FZD4: variants seen among roughly 807,000 people sequenced by gnomAD.
FZD4 encodes frizzled class receptor 4, also known as frizzled-4.
A neutral mutation model predicts 37.3 loss-of-function variants in FZD4; 16 were observed. The ratio of observed to expected loss-of-function variants is 0.43; its 90% confidence interval spans 0.29 to 0.65. The LOEUF (loss-of-function observed/expected upper bound fraction) is 0.65. Ranked by LOEUF, FZD4 falls within the 30% of genes least tolerant of loss-of-function variation. The probability of loss-of-function intolerance (pLI) is 0.16; values close to 1 mark genes in which losing one functional copy is unlikely to be tolerated. For synonymous variants in FZD4, 246 were observed against 254.8 expected (o/e 0.97, Z 0.33); for missense variants, 599 against 674.3 (o/e 0.89, Z 1.24).
intron 1 of FZD4, chr11:86,954,200 TACCA>T: frequency 1.0e-6 from 1 of 982,310 alleles, no homozygotes; most frequent in Non-Finnish European, 1.2e-6. Flanking sequence ...TCTTCCAATA[TACCA>T]ACCACCTTCC....
chr11:86,954,550 C>A, intron 1 of FZD4: 1 of 985,218 alleles, frequency 1.0e-6, no homozygotes, highest in Non-Finnish European at 1.2e-6. Context: ...GGGGTCTGGG[C>A]CAGACATGGG....
chr11:86,953,711 G>A (rs1471111297), intron 1 of FZD4, among the ~76,000 whole-genome samples: 1 of 152,068 alleles, frequency 6.6e-6, no homozygotes, highest in African/African-American at 2.4e-5. Flanking sequence ...CTGCCTCCTG[G>A]GTTCAAGCGA....
chr11:86,952,815 T>C (rs1250738271), intron 1 of FZD4: 1 of 180,500 alleles, frequency 5.5e-6, no homozygotes, highest in African/African-American at 2.4e-5. Context: ...TTTTAGAAAC[T>C]ATTTGAAAAA....
Position 86,954,781 on chromosome 11 carries a change from G to A in FZD4, c.285+20C>T, listed in dbSNP as rs894623136. 6.3e-7 allele frequency: 1 copy of A among 1,588,074 alleles called. No individual in the cohort carries two copies. The highest frequency in any genetic ancestry group is 1.3e-5 in the African/African-American group (1 of 74,398). On this transcript the variant is annotated intron_variant, in intron 1 of 1. Transcript: ENST00000531380. ...CCCTCCCCAAGGGGTCCCGCCAGGG[G>A]TGGGGGTGGGGGCGCCCACCTGCAG...
At chr11:86,954,753 CGT>C (rs765757872) in intron 1 of FZD4, 46 bp downstream of exon 1, 10 of 1,549,314 alleles carry the variant, frequency 6.5e-6, no homozygotes, top group Non-Finnish European at 8.7e-6. Context: ...TAGTTTGGAG[CGT>C]CCCTCCCCAA....
Position 86,952,048 on chromosome 11 carries a change from G to A in FZD4, c.708C>T (p.Phe236=), listed in dbSNP as rs1196907109. 6.2e-7 allele frequency: 1 copy of A among 1,614,056 alleles called. No individual in the cohort carries two copies. Among genetic ancestry groups the A allele is most frequent in the South Asian group, 1.1e-5 (1 of 91,078 alleles). Residue 236 remains phenylalanine, a synonymous_variant, in exon 2 of 2, where the codon TTC becomes TTT. Transcript: ENST00000531380. ...WASLCFISTA[F]TVLTFLIDSS... is the part of the protein sequence containing the mutation. ...AATCGATCAGGAAGGTCAGTACTGT[G>A]AAGGCAGTGGAGATGAAACACAGGC...
At chr11:86,954,157 T>C (rs1949317083) in intron 1 of FZD4, 2 of 683,674 alleles carry the variant, frequency 2.9e-6, no homozygotes, top group Non-Finnish European at 3.6e-6. Context: ...TCATTAGATA[T>C]GCTTTACATT....
Position 86,951,188 on chromosome 11 carries a change from C to T in FZD4, c.1568G>A (p.Gly523Glu), listed in dbSNP as rs756889974. The T allele has an allele frequency of 1.2e-6, 2 of 1,614,002 alleles. No individual in the cohort carries two copies. Among genetic ancestry groups the T allele is most frequent in the South Asian group, 1.1e-5 (1 of 91,084 alleles). Reference sequence around the variant, plus strand: ...TTTTCCAGGCTTCACCCAACCATTTCCTCTCTTCTCTCTCTTTACCTTTCC... The same window carrying T: ...TTTTCCAGGCTTCACCCAACCATTTTCTCTCTTCTCTCTCTTTACCTTTCC... ...NSGKVKREKRGNGWVKPGKGS... is the reference protein window; with the variant it reads ...NSGKVKREKRENGWVKPGKGS... The change falls in exon 2 of 2, where the codon GGA becomes GAA. Residue 523 changes from glycine (G) to glutamate (E), a missense_variant. By Grantham distance (98) the Gly-to-Glu change is moderately conservative. Coordinates refer to ENST00000531380, the MANE Select transcript of FZD4 (RefSeq NM_012193.4).
intron 1 of FZD4, 173 bp downstream of exon 1, chr11:86,954,628 A>G: frequency 6.1e-6 from 6 of 985,360 alleles, no homozygotes; most frequent in Non-Finnish European, 7.2e-6. Flanking sequence ...GATGACTTAC[A>G]CAACGTTTTG....
rs1279514469 is a variant in FZD4, at chr11:86,955,138, C to T, written c.-53G>A. ...CGGCTGGGGCTGCTCTGGCAGACAC[C>T]CCCAGTTTGCACGGGGGCGCCGGCT... On this transcript the variant is annotated 5_prime_UTR_variant, in exon 1 of 2. Coordinates refer to ENST00000531380, the MANE Select transcript of FZD4 (RefSeq NM_012193.4). The T allele has an allele frequency of 5.2e-6, 7 of 1,352,774 alleles. 1 individual carries two copies. In the South Asian group the frequency reaches 8.3e-5, roughly 16 times the overall value. 83.8% of individuals were successfully genotyped at this position (1,352,774 alleles called of 1,614,324 possible). A position where few individuals can be genotyped will look rare whatever the true frequency, so the allele number is the denominator to read the frequency against.
Position 86,954,953 on chromosome 11 carries a change from A to G in FZD4, c.133T>C (p.Cys45Arg). The part of the protein sequence containing the change: ...RGFGDEEERR[C>R]DPIRISMCQN... ...CACATGGAGATGCGGATGGGGTCGC[A>G]GCGCCGCTCTTCCTCGTCCCCGAAG... The change falls in exon 1 of 2, where the codon TGC (cysteine) becomes CGC (arginine). Residue 45 changes from cysteine to arginine, a missense_variant. Cys to Arg is a radical substitution (Grantham distance 180). Transcript: ENST00000531380. The G allele has an allele frequency of 6.2e-7, 1 of 1,613,466 alleles. No homozygotes were observed. The highest frequency in any genetic ancestry group is 8.5e-7 in the Non-Finnish European group (1 of 1,179,840).
rs1415155014 is a variant in FZD4 at position 86,948,667 on chromosome 11, C to G, written c.*2475G>C. 2 of 152,210 alleles carry G rather than the reference C, an allele frequency of 1.3e-5. No individual in the cohort carries two copies. Among genetic ancestry groups the G allele is most frequent in the East Asian group, 3.9e-4 (2 of 5,192 alleles). The allele number at this position is 152,210 out of a possible 1,614,324, so 9.4% of individuals were successfully genotyped here. A position where few individuals can be genotyped will look rare whatever the true frequency, so the allele number is the denominator to read the frequency against. Reference sequence around the variant, plus strand: ...TTGTCAAAACACTAGCTCCAGAACTCAAAACTCAGAAATCAGGTGCCCAGA... The same window carrying G: ...TTGTCAAAACACTAGCTCCAGAACTGAAAACTCAGAAATCAGGTGCCCAGA... On this transcript the variant is annotated 3_prime_UTR_variant, in exon 2 of 2. Transcript: ENST00000531380.
chr11:86,946,837 T>G lies in FZD4; in HGVS notation c.*4305A>C, dbSNP rs1023005827. ...ATTTTCAGAGTCCAGTGACTCGACA[T>G]GATTGACTGGAATAGCAACTCTCTC... On this transcript the variant is annotated 3_prime_UTR_variant, in exon 2 of 2. Transcript: ENST00000531380. 6.6e-6 allele frequency: 1 copy of G among 152,218 alleles called. No individual in the cohort carries two copies. Among genetic ancestry groups the G allele is most frequent in the African/African-American group, 2.4e-5 (1 of 41,422 alleles). 9.4% of individuals were successfully genotyped at this position (152,218 alleles called of 1,614,324 possible).
Position 86,955,318 on chromosome 11 carries a change from G to T in FZD4, c.-233C>A. 1 of 406,870 alleles carries T rather than the reference G, an allele frequency of 2.5e-6. No individual in the cohort carries two copies. Among genetic ancestry groups the T allele is most frequent in the Non-Finnish European group, 4.3e-6 (1 of 232,646 alleles). 25.2% of individuals were successfully genotyped at this position (406,870 alleles called of 1,614,324 possible). The stretch of plus-strand genomic sequence containing the variant: ...TGCGAGGGTCATGGCTGCAGGCGGC[G>T]AGCCCACAAGCCGGCGCCGGCCGCG... On this transcript the variant is annotated 5_prime_UTR_variant, in exon 1 of 2. Coordinates refer to ENST00000531380, the MANE Select transcript of FZD4 (RefSeq NM_012193.4).
Position 86,951,034 on chromosome 11 carries a change from C to A in FZD4, c.*108G>T, listed in dbSNP as rs952963687. 3 of 1,204,162 alleles carry A rather than the reference C, an allele frequency of 2.5e-6. No homozygotes were observed. The highest frequency in any genetic ancestry group is 2.5e-6 in the Non-Finnish European group (2 of 810,752). The allele number at this position is 1,204,162 out of a possible 1,614,324, so 74.6% of individuals were successfully genotyped here. A position where few individuals can be genotyped will look rare whatever the true frequency, so the allele number is the denominator to read the frequency against. On this transcript the variant is annotated 3_prime_UTR_variant, in exon 2 of 2. Coordinates refer to ENST00000531380, the MANE Select transcript of FZD4 (RefSeq NM_012193.4). ...GTTGACGGGGGTCACTTAATTGTTG[C>A]TAGTTTGTTCAAACTGAGATTCACT...
chr11:86,954,918 G>A lies in FZD4; in HGVS notation c.168C>T (p.Leu56=), dbSNP rs533839311. 2.0e-5 allele frequency: 32 copies of A among 1,613,662 alleles called. No homozygotes were observed. The South Asian group carries it at 3.3e-4, about 17-fold the overall frequency. The change falls in exon 1 of 2, where the codon CTC becomes CTT. Residue 56 remains leucine (L), a synonymous_variant. Transcript: ENST00000531380. Reference sequence around the variant, plus strand: ...TGGGCATCTTGGTCACGTTGTAGCCGAGGTTCTGGCACATGGAGATGCGGA... The same window carrying A: ...TGGGCATCTTGGTCACGTTGTAGCCAAGGTTCTGGCACATGGAGATGCGGA... ...DPIRISMCQN[L]GYNVTKMPNL...
At position 86,951,183 on chromosome 11, in the gene FZD4, C is replaced by T. The variant is rs763843440; in HGVS notation, c.1573G>A (p.Gly525Ser). Residue 525 changes from glycine (G) to serine (S), a missense_variant, in exon 2 of 2, where the codon GGT (glycine) becomes AGT (serine). Coordinates refer to ENST00000531380, the MANE Select transcript of FZD4 (RefSeq NM_012193.4). The part of the protein sequence containing the change: ...GKVKREKRGN[G>S]WVKPGKGSET... The stretch of plus-strand genomic sequence containing the variant: ...CTGCCTTTTCCAGGCTTCACCCAAC[C>T]ATTTCCTCTCTTCTCTCTCTTTACC... The T allele has an allele frequency of 1.2e-6, 2 of 1,614,054 alleles. No individual in the cohort carries two copies. Among genetic ancestry groups the T allele is most frequent in the South Asian group, 2.2e-5 (2 of 91,078 alleles).
chr11:86,951,351 C>A lies in FZD4; in HGVS notation c.1405G>T (p.Ala469Ser). The change falls in exon 2 of 2, where the codon GCA becomes TCA. Residue 469 changes from alanine to serine, a missense_variant. By Grantham distance (99) the Ala-to-Ser change is moderately conservative (BLOSUM62 1). Transcript: ENST00000531380. ...ISNWALFRYSADDSNMAVEML... is the reference protein window; with the variant it reads ...ISNWALFRYSSDDSNMAVEML... ...TCAACAGCCATGTTGGAATCATCTG[C>A]AGAATACCGAAAAAGTGCCCAGTTG... The A allele has an allele frequency of 1.2e-6, 2 of 1,613,716 alleles. No homozygotes were observed. The highest frequency in any genetic ancestry group is 2.2e-5 in the South Asian group (2 of 91,058).
rs779931194 is a variant in FZD4 at position 86,954,887 on chromosome 11, C to T, written c.199G>A (p.Val67Ile). 4.3e-6 allele frequency: 7 copies of T among 1,613,536 alleles called. No homozygotes were observed. Among genetic ancestry groups the T allele is most frequent in the Non-Finnish European group, 5.1e-6 (6 of 1,179,914 alleles). Residue 67 changes from valine to isoleucine, a missense_variant, in exon 1 of 2, where the codon GTT becomes ATT. Coordinates refer to ENST00000531380, the MANE Select transcript of FZD4 (RefSeq NM_012193.4). ...GCGTCCGTCTGCAGCTCGTGCCCAA[C>T]CAGGTTGGGCATCTTGGTCACGTTG... is the stretch of plus-strand genomic sequence containing the variant. ...GYNVTKMPNL[V>I]GHELQTDAEL...
Sources: gnomAD v4.1 joint callset for allele counts (sites outside exome capture counted in the v4.1 genomes callset) on GRCh38, gnomAD v4.1.1 for gene constraint, MANE v1.5 for transcripts, NCBI Gene and HGNC (gene_info 2026-07-23, HGNC 2026-07-21) for gene names.